SCN11A: variants seen among roughly 807,000 people sequenced by gnomAD.
SCN11A encodes the protein sodium channel protein type 11 subunit alpha.
A neutral mutation model predicts 162.2 loss-of-function variants in SCN11A; 122 were observed. The ratio of observed to expected loss-of-function variants is 0.75; its 90% CI spans 0.65 to 0.87. The LOEUF is 0.87. Among genes scored for constraint, SCN11A ranks in the 40% least tolerant of loss-of-function variants. The pLI is 0.00. For synonymous variants in SCN11A, 758 were observed against 751.5 expected (o/e 1.01, Z -0.14); for missense variants, 2,015 against 2,181.6 (o/e 0.92, Z 1.52).
At chr3:38,990,314 A>G (rs971659819) in intron 2 of SCN11A, among the ~76,000 whole-genome samples, 2 of 152,180 alleles carry the variant, frequency 1.3e-5, no homozygotes, top group Non-Finnish European at 2.9e-5. Flanking sequence ...TAAGGGGCAG[A>G]GACCGAACAC....
rs144024750 is a variant in SCN11A, at chr3:39,000,658, C to T, written c.-280+31722G>A. Among the ~76,000 whole-genome samples, 852 of 152,280 alleles carry T rather than the reference C, an allele frequency of 5.6e-3. 7 individuals carry two copies. Among genetic ancestry groups the T allele is most frequent in the African/African-American group, 0.015 (635 of 41,568 alleles). On this transcript the variant is annotated intron_variant, in intron 2 of 29. Coordinates refer to ENST00000302328, the MANE Select transcript of SCN11A (RefSeq NM_001349253.2). Reference sequence around the variant, plus strand: ...TCAAGATTTTGGGGTGCAACTGTTACGGTTTGATCTTATTAGCATGTATTT... The same window carrying T: ...TCAAGATTTTGGGGTGCAACTGTTATGGTTTGATCTTATTAGCATGTATTT...
intron 2 of SCN11A, among the ~76,000 whole-genome samples, chr3:39,010,927 G>A (rs1288427807): frequency 6.6e-6 from 1 of 152,166 alleles, no homozygotes; most frequent in East Asian, 1.9e-4. Context: ...GTTCATTGAA[G>A]AACCATTAAT....
In SCN11A at chr3:38,896,884, A is replaced by T; in HGVS notation, c.2364T>A (p.Val788=). 1.2e-6 allele frequency: 2 copies of T among 1,611,374 alleles called. No individual in the cohort carries two copies. Among genetic ancestry groups the T allele is most frequent in the Non-Finnish European group, 1.7e-6 (2 of 1,178,462 alleles). ...TCACCGTGATCAATATGAAGACAAT[A>T]ACACACAATGATGATGATGCATTCG... ...QEANASSSLC[V]IVFILITVIG... The change falls in exon 18 of 30, where the codon GTT becomes GTA. Residue 788 remains valine (V), a synonymous_variant. Transcript: ENST00000302328.
intron 7 of SCN11A, among the ~76,000 whole-genome samples, chr3:38,933,409 G>A (rs1455492427): frequency 2.0e-5 from 3 of 152,182 alleles, no homozygotes; most frequent in Non-Finnish European, 2.9e-5. Context: ...GAAGGCTTCA[G>A]ACGATCAAAC....
intron 2 of SCN11A, among the ~76,000 whole-genome samples, chr3:39,025,529 T>C (rs74184834): frequency 6.6e-6 from 1 of 152,218 alleles, no homozygotes; most frequent in East Asian, 1.9e-4. Context: ...GAACTAAGGG[T>C]TCCTCCCTGT....
intron 9 of SCN11A, among the ~76,000 whole-genome samples, chr3:38,924,407 T>G (rs984810551): frequency 3.3e-5 from 5 of 151,844 alleles, no homozygotes; most frequent in African/African-American, 1.2e-4. Flanking sequence ...CAGTTTTGCT[T>G]TTGTTGCCCA....
At chr3:38,919,882 T>C in intron 11 of SCN11A, 53 bp downstream of exon 11, 3 of 1,328,798 alleles carry the variant, frequency 2.3e-6, no homozygotes, top group Non-Finnish European at 3.2e-6. Context: ...CACACCATTC[T>C]AAAAGGTCTA....
chr3:39,033,458 C>T (rs2031819466), intron 1 of SCN11A, among the ~76,000 whole-genome samples: 1 of 152,074 alleles, frequency 6.6e-6, no homozygotes, highest in South Asian at 2.1e-4. Context: ...TACAATATAC[C>T]TCAGAAGTAC....
At chr3:38,915,355 C>T (rs796881881) in intron 11 of SCN11A, among the ~76,000 whole-genome samples, 10 of 151,954 alleles carry the variant, frequency 6.6e-5, no homozygotes, top group Middle Eastern at 3.4e-3. Flanking sequence ...TTGTCTTCTG[C>T]TAGCTTTGCT....
chr3:38,865,804 C>T (rs1247608618), intron 27 of SCN11A, among the ~76,000 whole-genome samples: 2 of 152,062 alleles, frequency 1.3e-5, no homozygotes, highest in Non-Finnish European at 2.9e-5. Context: ...TTGTGGCCAT[C>T]AACCTGTGAA....
chr3:39,025,654 G>A (rs1456185235), intron 2 of SCN11A, among the ~76,000 whole-genome samples: 1 of 152,230 alleles, frequency 6.6e-6, no homozygotes, highest in East Asian at 1.9e-4. Context: ...GTAAGGAGCA[G>A]TGAGGACAAC....
At chr3:38,900,326 T>C (rs760770415) in intron 16 of SCN11A, among the ~76,000 whole-genome samples, 33 of 152,116 alleles carry the variant, frequency 2.2e-4, no homozygotes, top group Non-Finnish European at 3.4e-4. Flanking sequence ...GAATGGAAAA[T>C]GAATATTATT....
At chr3:38,898,372 C>A (rs2065641604) in intron 17 of SCN11A, among the ~76,000 whole-genome samples, 1 of 152,218 alleles carries the variant, frequency 6.6e-6, no homozygotes, top group African/African-American at 2.4e-5. Flanking sequence ...TCTATGGCTT[C>A]TTTTGTGCTA....
intron 2 of SCN11A, among the ~76,000 whole-genome samples, chr3:38,973,423 C>T (rs900627701): frequency 2.0e-5 from 3 of 151,794 alleles, no homozygotes; most frequent in African/African-American, 7.3e-5. Context: ...CACACACACA[C>T]ACACATATAA....
intron 28 of SCN11A, among the ~76,000 whole-genome samples, chr3:38,858,917 A>G (rs181251144): frequency 1.0e-3 from 154 of 152,280 alleles, no homozygotes; most frequent in African/African-American, 3.4e-3. Flanking sequence ...CTCCTCTTGA[A>G]TGATCTTTGG....
At chr3:38,968,451 T>C (rs1028162900) in intron 2 of SCN11A, among the ~76,000 whole-genome samples, 1 of 152,200 alleles carries the variant, frequency 6.6e-6, no homozygotes, top group Non-Finnish European at 1.5e-5. Flanking sequence ...ATTATAGCAA[T>C]GTTTTAAAAA....
intron 2 of SCN11A, among the ~76,000 whole-genome samples, chr3:38,985,631 G>A (rs1001296944): frequency 6.6e-6 from 1 of 151,044 alleles, no homozygotes; most frequent in African/African-American, 2.5e-5. Flanking sequence ...TGGATTGTGA[G>A]GGGAAGAGTA....
chr3:38,980,531 G>C (rs2029992306), intron 2 of SCN11A, among the ~76,000 whole-genome samples: 1 of 152,214 alleles, frequency 6.6e-6, no homozygotes, highest in South Asian at 2.1e-4. Flanking sequence ...ACCTCTCTGA[G>C]TCTGTGATAC....
intron 7 of SCN11A, 152 bp from the exon 8 acceptor site, chr3:38,927,083 G>T: frequency 1.5e-6 from 1 of 681,640 alleles, no homozygotes; most frequent in Non-Finnish European, 2.5e-6. Flanking sequence ...AAAAATGCAA[G>T]CTTTTTAAGC....
Sources: gnomAD v4.1 joint callset for allele counts (sites outside exome capture counted in the v4.1 genomes callset) on GRCh38, gnomAD v4.1.1 for gene constraint, MANE v1.5 for transcripts, NCBI Gene and HGNC (gene_info 2026-07-23, HGNC 2026-07-21) for gene names.